The following KIAA1210 variants were observed in gnomAD, a reference collection of about 807,000 sequenced individuals.
The protein encoded by KIAA1210 is acrosomal protein KIAA1210.
A neutral mutation model predicts 78.9 loss-of-function variants in KIAA1210; 48 were observed. That is an observed-to-expected ratio of 0.61 (90% confidence interval 0.48 to 0.77). The LOEUF (loss-of-function observed/expected upper bound fraction) is 0.77. Ranked by LOEUF, KIAA1210 falls within the 30% of genes least tolerant of loss-of-function variation. KIAA1210 has a pLI of 0.00. For synonymous variants in KIAA1210, 406 were observed against 404.5 expected, an observed-to-expected ratio of 1.00 and a Z score of -0.04; for missense variants, 1,108 against 1,100.0, an observed-to-expected ratio of 1.01 and a Z score of -0.10.
intron 8 of KIAA1210, among the ~76,000 whole-genome samples, chrX:119,092,744 G>T (rs1367131485): frequency 9.8e-6 from 1 of 101,583 alleles, no homozygotes; most frequent in East Asian, 3.0e-4. Flanking sequence ...CTGGGTGACA[G>T]AGTGAGACTC....
rs762039861 is a variant in KIAA1210 at position 119,114,523 on chromosome X, G to A, written c.230+1973C>T. ...CAGACATCTCTATATACACGCATAC[G>A]CTCAGTATGCACATATAACACGCTT... is the stretch of plus-strand genomic sequence containing the variant. On this transcript the variant is annotated intron_variant, in intron 3 of 11. Transcript: ENST00000691062. Among the ~76,000 whole-genome samples the A allele has an allele frequency of 5.4e-5, 6 of 112,123 alleles. No homozygotes were observed. In the East Asian group the frequency reaches 8.3e-4, roughly 16 times the overall value.
chrX:119,117,995 G>T (rs1053029753), intron 2 of KIAA1210, among the ~76,000 whole-genome samples: 2 of 111,518 alleles, frequency 1.8e-5, no homozygotes, highest in African/African-American at 3.3e-5. Flanking sequence ...GGCTCGTGCT[G>T]CATTCTTCAA....
At chrX:119,114,001 G>T (rs183823918) in intron 3 of KIAA1210, among the ~76,000 whole-genome samples, 8 of 111,162 alleles carry the variant, frequency 7.2e-5, no homozygotes, top group African/African-American at 1.3e-4. Context: ...TTTAGGGAGG[G>T]GTAGCAATGT....
At chrX:119,110,415 G>A (rs1468590557) in intron 3 of KIAA1210, among the ~76,000 whole-genome samples, 1 of 111,703 alleles carries the variant, frequency 9.0e-6, no homozygotes, top group Non-Finnish European at 1.9e-5. Flanking sequence ...TCAGGAACAA[G>A]ACAAGGATGA....
intron 3 of KIAA1210, among the ~76,000 whole-genome samples, chrX:119,113,058 T>C (rs959148530): frequency 3.1e-4 from 35 of 111,575 alleles, no homozygotes; most frequent in African/African-American, 1.1e-3. Flanking sequence ...CTTGAAAACA[T>C]TATAATGAGT....
intron 8 of KIAA1210, among the ~76,000 whole-genome samples, chrX:119,092,356 C>A (rs1430725854): frequency 8.9e-6 from 1 of 112,220 alleles, no homozygotes; most frequent in Non-Finnish European, 1.9e-5. Context: ...CTGATAATAG[C>A]TGACTATGCT....
At chrX:119,138,211 GTTTTTTTT>G (rs759946882) in intron 2 of KIAA1210, among the ~76,000 whole-genome samples, 4 of 47,831 alleles carry the variant, frequency 8.4e-5, no homozygotes, top group Admixed American at 3.3e-4. Context: ...TGGTTTGGTT[GTTTTTTTT>G]TTTTTTTTTT....
rs1188333811 is a variant in KIAA1210, at chrX:119,086,830, G to C, written c.3872C>G (p.Ser1291Cys). 8.3e-7 allele frequency: 1 copy of C among 1,209,500 alleles called. No homozygotes were observed. The highest frequency in any genetic ancestry group is 3.0e-5 in the East Asian group (1 of 33,764). Residue 1291 changes from serine to cysteine, a missense_variant, in exon 9 of 12, where the codon TCC (serine) becomes TGC (cysteine). Around this residue, in one of 5 missense-constraint regions of KIAA1210, gnomAD observed 245 missense variants for 278.8 expected, o/e 0.88. Coordinates refer to ENST00000691062, the MANE Select transcript of KIAA1210 (RefSeq NM_001394962.1). ...AAGCTTTTCAACATCATCCTGATTG[G>C]ATAGGTTTGCATGCTGGTTATTATT... The part of the protein sequence containing the change: ...DGNNNQHANL[S>C]NQDDVEKLFG...
intron 2 of KIAA1210, among the ~76,000 whole-genome samples, chrX:119,137,607 C>T (rs1284513699): frequency 8.9e-6 from 1 of 112,759 alleles, no homozygotes; most frequent in Non-Finnish European, 1.9e-5. Context: ...GCTCCTGTGC[C>T]GCATGCGGCC....
intron 3 of KIAA1210, among the ~76,000 whole-genome samples, chrX:119,113,213 G>A (rs960460175): frequency 9.0e-6 from 1 of 110,978 alleles, no homozygotes; most frequent in African/African-American, 3.3e-5. Context: ...TGGTCAATGG[G>A]TACAGGAGTT....
In KIAA1210 at chrX:119,109,125, G is replaced by A; in HGVS notation, c.308C>T (p.Ala103Val). 8.3e-7 allele frequency: 1 copy of A among 1,208,667 alleles called. No homozygotes were observed. The highest frequency in any genetic ancestry group is 1.8e-5 in the South Asian group (1 of 56,646). The change falls in exon 4 of 12, where the codon GCA (alanine) becomes GTA (valine). Residue 103 changes from alanine to valine, a missense_variant. Physicochemically the swap from Ala to Val is moderately conservative, Grantham distance 64 (BLOSUM62 0). This residue lies in a region of KIAA1210 where 672 missense variants were observed against 607.1 expected (regional missense o/e 1.11). Coordinates refer to ENST00000691062, the MANE Select transcript of KIAA1210 (RefSeq NM_001394962.1). Reference sequence around the variant, plus strand: ...ATCCATAGAAGGAAACATTTTACTTGCTGATCTTTCAGGCTCAGGACCCAA... The same window carrying A: ...ATCCATAGAAGGAAACATTTTACTTACTGATCTTTCAGGCTCAGGACCCAA... ...FMLGPEPERS[A>V]SKMFPSMDPQ... is the part of the protein sequence containing the mutation.
At chrX:119,150,585 C>T (rs765021752), upstream of KIAA1210, 18 of 1,195,171 alleles carry the variant, frequency 1.5e-5, no homozygotes, top group Admixed American at 1.3e-4. Flanking sequence ...CTCATTTCCC[C>T]GCGTAGAGTT....
In KIAA1210 at chrX:119,111,838, T is replaced by C. The variant is rs138678814; in HGVS notation, c.231-2636A>G. Among the ~76,000 whole-genome samples, 162 of 111,563 alleles carry C rather than the reference T, an allele frequency of 1.5e-3. 1 individual carries two copies. The highest frequency in any genetic ancestry group is 4.9e-3 in the African/African-American group (151 of 30,724). ...TTCTTAGAAAAAACATAGGAGTAAA[T>C]CTTTGTGATCTTGGATTTGGCAATG... On this transcript the variant is annotated intron_variant, in intron 3 of 11. Transcript: ENST00000691062.
At chrX:119,150,353 A>G (rs1929265201) in exon 1 of KIAA1210, 1 of 1,209,214 alleles carries the variant, frequency 8.3e-7, no homozygotes, top group East Asian at 3.0e-5. Flanking sequence ...ATAACTAGGT[A>G]TTTCCAGGTC....
chrX:119,092,653 A>G (rs776398874), intron 8 of KIAA1210, among the ~76,000 whole-genome samples: 4 of 109,313 alleles, frequency 3.7e-5, no homozygotes, highest in Non-Finnish European at 7.6e-5. Flanking sequence ...CCCAGCTACT[A>G]GGGAGGCTGA....
At chrX:119,100,617 T>C (rs146196235) in intron 6 of KIAA1210, among the ~76,000 whole-genome samples, 2,029 of 111,875 alleles carry the variant, frequency 0.018, 45 homozygotes, top group African/African-American at 0.062. Context: ...ATGGATATAT[T>C]GGATATATCA....
intron 1 of KIAA1210, among the ~76,000 whole-genome samples, chrX:119,148,505 T>C (rs1432388932): frequency 8.9e-6 from 1 of 112,261 alleles, no homozygotes; most frequent in Non-Finnish European, 1.9e-5. Context: ...TTGTGCAATA[T>C]GGTATCACAT....
intron 9 of KIAA1210, 46 bp from the exon 10 acceptor site, chrX:119,085,592 G>A: frequency 1.8e-6 from 2 of 1,127,912 alleles, no homozygotes; most frequent in Non-Finnish European, 2.4e-6. Context: ...AGGCAGGCAG[G>A]GTCTTGAGCC....
chrX:119,148,992 T>C (rs1430351822), intron 1 of KIAA1210, among the ~76,000 whole-genome samples: 1 of 107,086 alleles, frequency 9.3e-6, no homozygotes, highest in Non-Finnish European at 1.9e-5. Context: ...TTTGGCCAAG[T>C]TGTGATCCTA....
Sources: gnomAD v4.1 joint callset for allele counts (sites outside exome capture counted in the v4.1 genomes callset) on GRCh38, gnomAD v4.1.1 for gene constraint, gnomAD v4.1.1 regional missense constraint, MANE v1.5 for transcripts, NCBI Gene and HGNC (gene_info 2026-07-23, HGNC 2026-07-21) for gene names.